Variants in BTBD7 observed in about 807,000 individuals in gnomAD.
The protein encoded by BTBD7 is BTB/POZ domain-containing protein 7.
A neutral mutation model predicts 99.9 loss-of-function variants in BTBD7; 38 were observed. The ratio of observed to expected loss-of-function variants is 0.38; its 90% confidence interval spans 0.29 to 0.50. The LOEUF (loss-of-function observed/expected upper bound fraction) is 0.50, where lower values mean the gene tolerates loss of function less well. BTBD7 is among the 20% of genes least tolerant of loss of function. The pLI is 0.93. For missense variants in BTBD7, 1,170 were observed against 1,394.6 expected (o/e 0.84, Z 2.57); for synonymous variants, 520 against 511.4 (o/e 1.02, Z -0.23).
intron 1 of BTBD7, among the ~76,000 whole-genome samples, chr14:93,316,339 C>T (rs1276770819): frequency 6.6e-6 from 1 of 151,886 alleles, no homozygotes; most frequent in Non-Finnish European, 1.5e-5. Flanking sequence ...TCATAGCTCA[C>T]TGTAGCTTCA....
intron 3 of BTBD7, among the ~76,000 whole-genome samples, chr14:93,272,766 A>G (rs2052613800): frequency 1.3e-5 from 2 of 152,238 alleles, no homozygotes; most frequent in South Asian, 4.1e-4. Context: ...CCTGCGCCTC[A>G]GTGTTCTGCA....
chr14:93,308,155 T>A (rs2053092717), intron 1 of BTBD7, among the ~76,000 whole-genome samples: 1 of 151,748 alleles, frequency 6.6e-6, no homozygotes, highest in African/African-American at 2.4e-5. Flanking sequence ...GGTGTGGTGG[T>A]GGGCGCCTGC....
intron 1 of BTBD7, among the ~76,000 whole-genome samples, chr14:93,313,821 A>G (rs948459245): frequency 6.6e-6 from 1 of 151,808 alleles, no homozygotes; most frequent in Non-Finnish European, 1.5e-5. Context: ...GCAGCCTCCA[A>G]CTCCTGGGCT....
At chr14:93,263,243 T>C (rs1226297902) in intron 4 of BTBD7, among the ~76,000 whole-genome samples, 1 of 152,178 alleles carries the variant, frequency 6.6e-6, no homozygotes, top group African/African-American at 2.4e-5. Context: ...AATTTCCAAA[T>C]TAAATTGACA....
intron 3 of BTBD7, among the ~76,000 whole-genome samples, chr14:93,272,101 C>G (rs2052607151): frequency 6.6e-6 from 1 of 151,966 alleles, no homozygotes; most frequent in Non-Finnish European, 1.5e-5. Flanking sequence ...GGCGGATCAC[C>G]AGGTCAGGAG....
At chr14:93,285,051 T>A (rs1461609375) in intron 3 of BTBD7, among the ~76,000 whole-genome samples, 2 of 152,334 alleles carry the variant, frequency 1.3e-5, no homozygotes, top group Non-Finnish European at 2.9e-5. Context: ...CTGTTGATAA[T>A]GGTCTTTAGC....
At chr14:93,276,281 T>C (rs972255817) in intron 3 of BTBD7, among the ~76,000 whole-genome samples, 3 of 152,230 alleles carry the variant, frequency 2.0e-5, no homozygotes, top group Non-Finnish European at 4.4e-5. Context: ...TAATACTATA[T>C]TTCCAATCTA....
intron 3 of BTBD7, among the ~76,000 whole-genome samples, chr14:93,281,668 T>C (rs2052721396): frequency 6.6e-6 from 1 of 152,202 alleles, no homozygotes; most frequent in African/African-American, 2.4e-5. Flanking sequence ...ATGTTATTTA[T>C]AACAGAATAA....
intron 3 of BTBD7, among the ~76,000 whole-genome samples, chr14:93,268,099 C>G (rs979364144): frequency 6.6e-6 from 1 of 152,206 alleles, no homozygotes; most frequent in East Asian, 1.9e-4. Flanking sequence ...GTGTCCCTTC[C>G]AATTCCCCAG....
At position 93,307,399 on chromosome 14, in the gene BTBD7, T is replaced by C. The variant is rs141381744; in HGVS notation, c.-106-11242A>G. ...TTGAACTCCTGGTCTCAAATGATCC[T>C]CCTGCCCTGGCCTCCCAAAGTGCTC... On this transcript the variant is annotated intron_variant, in intron 1 of 10. Coordinates refer to ENST00000334746, the MANE Select transcript of BTBD7 (RefSeq NM_001002860.4). Among the ~76,000 whole-genome samples the C allele has an allele frequency of 5.8e-3, 889 of 152,316 alleles. 12 individuals are homozygous for C. Among genetic ancestry groups the C allele is most frequent in the Middle Eastern group, 0.051 (15 of 294 alleles).
intron 1 of BTBD7, among the ~76,000 whole-genome samples, chr14:93,307,115 C>T (rs1028435171): frequency 2.0e-5 from 3 of 152,296 alleles, no homozygotes; most frequent in African/African-American, 4.8e-5. Context: ...ACAGAATATG[C>T]AAATAAATTA....
chr14:93,289,131 A>G (rs74581841), intron 3 of BTBD7, among the ~76,000 whole-genome samples: 2,660 of 152,336 alleles, frequency 0.017, 40 homozygotes, highest in South Asian at 0.075. Context: ...GCAAGAACAG[A>G]CAAATGGACC....
rs1425545856 is a variant in BTBD7, at chr14:93,253,696, C to T, written c.1703G>A (p.Gly568Asp). 6.2e-7 allele frequency: 1 copy of T among 1,613,284 alleles called. No individual in the cohort carries two copies. Among genetic ancestry groups the T allele is most frequent in the Admixed American group, 1.7e-5 (1 of 59,998 alleles). ...SNAWLRQKNA[G>D]IYVRPRLFSP... Reference sequence around the variant, plus strand: ...GAAGAGTCGAGGACGAACATAGATGCCAGCATTTTTTTGCCGTAACCAGGC... The same window carrying T: ...GAAGAGTCGAGGACGAACATAGATGTCAGCATTTTTTTGCCGTAACCAGGC... The change falls in exon 7 of 11, where the codon GGC becomes GAC. Residue 568 changes from glycine (G) to aspartate (D), a missense_variant. Coordinates refer to ENST00000334746, the MANE Select transcript of BTBD7 (RefSeq NM_001002860.4).
rs1382017970 is a variant in BTBD7, at chr14:93,257,025, G to A, written c.1608+170C>T. 35 of 641,136 alleles carry A rather than the reference G, an allele frequency of 5.5e-5. No individual in the cohort carries two copies. The East Asian group carries it at 9.3e-4, about 17-fold the overall frequency. The allele number at this position is 641,136 out of a possible 1,614,324, so 39.7% of individuals were successfully genotyped here. A position where few individuals can be genotyped will look rare whatever the true frequency, so the allele number is the denominator to read the frequency against. ...TCACTGAACATTTTAACTGTATTAT[G>A]TGGAAGACACAGGAGATACAACATC... On this transcript the variant is annotated intron_variant, in intron 6 of 10. Transcript: ENST00000334746.
chr14:93,316,588 C>T (rs113266149), intron 1 of BTBD7, among the ~76,000 whole-genome samples: 10 of 152,084 alleles, frequency 6.6e-5, no homozygotes, highest in African/African-American at 2.4e-4. Flanking sequence ...TTTCCACTCC[C>T]CACTATAAGG....
chr14:93,327,096 G>A (rs1247309025), intron 1 of BTBD7, among the ~76,000 whole-genome samples: 2 of 152,176 alleles, frequency 1.3e-5, no homozygotes, highest in East Asian at 3.8e-4. Flanking sequence ...AGGAGGCCAA[G>A]GCAGCAGTGA....
At chr14:93,248,441 C>T in intron 9 of BTBD7, 35 bp downstream of exon 9, 1 of 1,599,736 alleles carries the variant, frequency 6.3e-7, no homozygotes. Flanking sequence ...GTGACTGAGG[C>T]TCCCTATTTT....
intron 3 of BTBD7, among the ~76,000 whole-genome samples, chr14:93,292,165 T>A (rs2052864255): frequency 6.6e-6 from 1 of 152,136 alleles, no homozygotes; most frequent in Admixed American, 6.5e-5. Context: ...CCAGCCTGGG[T>A]GACAAGATCA....
chr14:93,255,191 G>A (rs1034761592), intron 6 of BTBD7, among the ~76,000 whole-genome samples: 3 of 152,082 alleles, frequency 2.0e-5, no homozygotes, highest in Non-Finnish European at 2.9e-5. Flanking sequence ...TGTTGCCCAG[G>A]CTGGAGGGCA....
Sources: gnomAD v4.1 joint callset for allele counts (sites outside exome capture counted in the v4.1 genomes callset) on GRCh38, gnomAD v4.1.1 for gene constraint, MANE v1.5 for transcripts, NCBI Gene and HGNC (gene_info 2026-07-23, HGNC 2026-07-21) for gene names.